ATRN: variants seen among roughly 807,000 people sequenced by gnomAD.
ATRN encodes attractin-2.
In ATRN, 54 loss-of-function variants were observed where a neutral mutation model predicts 178.7. The ratio of observed to expected loss-of-function variants is 0.30; its 90% confidence interval spans 0.24 to 0.38. The LOEUF (loss-of-function observed/expected upper bound fraction) is 0.38, where lower values mean the gene tolerates loss of function less well. ATRN is among the 10% of genes least tolerant of loss of function. The pLI, the probability that ATRN is intolerant of heterozygous loss-of-function variation, is 1.00. For synonymous variants in ATRN, 636 were observed against 663.0 expected, an observed-to-expected ratio of 0.96 and a Z score of 0.63; for missense variants, 1,443 against 1,815.1, an observed-to-expected ratio of 0.79 and a Z score of 3.73.
At chr20:3,531,098 C>T (rs2085447741) in intron 1 of ATRN, among the ~76,000 whole-genome samples, 1 of 152,196 alleles carries the variant, frequency 6.6e-6, no homozygotes, top group Non-Finnish European at 1.5e-5. Context: ...ATCAATGATA[C>T]TGTAAAACTT....
At chr20:3,603,769 T>A (rs1205627193) in intron 23 of ATRN, among the ~76,000 whole-genome samples, 1 of 152,154 alleles carries the variant, frequency 6.6e-6, no homozygotes, top group African/African-American at 2.4e-5. Context: ...ATTACAGATG[T>A]GAGCCACCGC....
intron 7 of ATRN, 33 bp downstream of exon 7, chr20:3,559,516 A>G: frequency 6.4e-7 from 1 of 1,559,762 alleles, no homozygotes; most frequent in Admixed American, 1.7e-5. Flanking sequence ...TAAGCAAGAA[A>G]CTAAGTTTTC....
chr20:3,532,919 C>T (rs1027787600), intron 1 of ATRN, among the ~76,000 whole-genome samples: 6 of 152,188 alleles, frequency 3.9e-5, no homozygotes. Flanking sequence ...CCCACCACCA[C>T]GCCCAGCTAA....
In ATRN at chr20:3,584,576, T is replaced by TA. The variant is rs1179487489; in HGVS notation, c.2951-62dup. 4.9e-4 allele frequency: 545 copies of TA among 1,108,590 alleles called. 1 individual carries two copies. Among genetic ancestry groups the TA allele is most frequent in the East Asian group, 2.0e-3 (79 of 40,512 alleles). The allele number at this position is 1,108,590 out of a possible 1,614,324, so 68.7% of individuals were successfully genotyped here. ...GACTCAAGCCAGTTGAATAGTCTGT[T>TA]AAAAAAAAAGTAAATACAGTGAATT... On this transcript the variant is annotated intron_variant, in intron 17 of 28. Coordinates refer to ENST00000262919, the MANE Select transcript of ATRN (RefSeq NM_139321.3).
rs938760291 is a variant in ATRN at position 3,535,662 on chromosome 20, G to A, written c.494+326G>A. ...ATTTATTTTTATGGGACAGAGTTTT[G>A]CTCTTGTCACCCAGGCTGGAGTGCA... On this transcript the variant is annotated intron_variant, in intron 2 of 28. Transcript: ENST00000262919. Among the ~76,000 whole-genome samples the A allele has an allele frequency of 2.0e-5, 3 of 149,218 alleles. No homozygotes were observed. In the Admixed American group the frequency reaches 2.0e-4, roughly 10 times the overall value.
chr20:3,644,037 T>C (rs1399052801), intron 27 of ATRN, 117 bp from the exon 28 acceptor site: 6 of 729,028 alleles, frequency 8.2e-6, no homozygotes, highest in Non-Finnish European at 1.2e-5. Flanking sequence ...AAAACTGCAA[T>C]GTACCTTTTT....
intron 10 of ATRN, 41 bp from the exon 11 acceptor site, chr20:3,565,306 GA>G: frequency 6.7e-7 from 1 of 1,499,660 alleles, no homozygotes; most frequent in East Asian, 2.3e-5. Flanking sequence ...CTGTTGATTA[GA>G]AATGGTAGTC....
At chr20:3,590,605 G>A (rs2086427813) in intron 18 of ATRN, among the ~76,000 whole-genome samples, 1 of 152,178 alleles carries the variant, frequency 6.6e-6, no homozygotes, top group African/African-American at 2.4e-5. Context: ...AATGAAAAAT[G>A]TAAAGCAAAC....
intron 1 of ATRN, among the ~76,000 whole-genome samples, chr20:3,491,527 TCTGGGTACTTG>T (rs1400012736): frequency 6.6e-6 from 1 of 152,212 alleles, no homozygotes; most frequent in Non-Finnish European, 1.5e-5. Flanking sequence ...TTAGAGTTCT[TCTGGGTACTTG>T]CTGTGCATCT....
Position 3,547,402 on chromosome 20 carries a change from C to T in ATRN, c.856C>T (p.His286Tyr), listed in dbSNP as rs766426779. ...GAAAGGTGAAGCATGTGACATTCCT[C>T]ACTGTACAGACAACTGTGGTTTTCC... ...NWKGEACDIP[H>Y]CTDNCGFPHR... The change falls in exon 5 of 29, where the codon CAC becomes TAC. Residue 286 changes from histidine to tyrosine, a missense_variant. Transcript: ENST00000262919. 3 of 1,613,866 alleles carry T rather than the reference C, an allele frequency of 1.9e-6. No individual in the cohort carries two copies. The highest frequency in any genetic ancestry group is 2.7e-5 in the African/African-American group (2 of 74,924).
At chr20:3,628,127 G>A (rs138694013) in intron 25 of ATRN, among the ~76,000 whole-genome samples, 98 of 152,244 alleles carry the variant, frequency 6.4e-4, no homozygotes, top group African/African-American at 2.2e-3. Context: ...AGCCGAGATC[G>A]CGCCACTGCA....
chr20:3,619,900 C>T (rs2086883627), intron 24 of ATRN, among the ~76,000 whole-genome samples: 1 of 152,160 alleles, frequency 6.6e-6, no homozygotes, highest in South Asian at 2.1e-4. Flanking sequence ...CAGGCTTGGA[C>T]ATAGAATGAC....
chr20:3,550,358 G>GCTGTTA (rs934394391), intron 6 of ATRN, among the ~76,000 whole-genome samples: 18 of 152,140 alleles, frequency 1.2e-4, no homozygotes, highest in African/African-American at 3.4e-4. Context: ...CTAGTGCCAT[G>GCTGTTA]CTGTTACTGT....
chr20:3,523,019 C>G (rs1268779381), intron 1 of ATRN, among the ~76,000 whole-genome samples: 1 of 152,054 alleles, frequency 6.6e-6, no homozygotes, highest in Non-Finnish European at 1.5e-5. Flanking sequence ...TCCAGAGGAT[C>G]ACAACTCCTC....
chr20:3,554,977 T>C (rs924518820), intron 6 of ATRN, among the ~76,000 whole-genome samples: 2 of 141,656 alleles, frequency 1.4e-5, no homozygotes, highest in Non-Finnish European at 3.0e-5. Flanking sequence ...GAACACCAAG[T>C]GTGACCTGAC....
chr20:3,629,308 G>C, intron 25 of ATRN: 1 of 985,052 alleles, frequency 1.0e-6, no homozygotes, highest in Non-Finnish European at 1.2e-6. Flanking sequence ...ACTGGCGTCC[G>C]CTTTTCCATA....
chr20:3,626,860 G>GCAAGCAACCGCCGCCTCCCGGGTT (rs2146317179), intron 25 of ATRN, among the ~76,000 whole-genome samples: 1 of 140,048 alleles, frequency 7.1e-6, no homozygotes, highest in African/African-American at 2.8e-5. Context: ...TTGGCTCACT[G>GCAAGCAACCGCCGCCTCCCGGGTT]CAAGCAACCG....
At chr20:3,553,117 C>A (rs980936411) in intron 6 of ATRN, among the ~76,000 whole-genome samples, 1 of 152,222 alleles carries the variant, frequency 6.6e-6, no homozygotes, top group South Asian at 2.1e-4. Flanking sequence ...TTAGCTCTAC[C>A]TTTAGAATCT....
At position 3,591,213 on chromosome 20, in the gene ATRN, T is replaced by A; in HGVS notation, c.3229T>A (p.Cys1077Ser). 6.2e-7 allele frequency: 1 copy of A among 1,614,222 alleles called. No homozygotes were observed. The highest frequency in any genetic ancestry group is 8.5e-7 in the Non-Finnish European group (1 of 1,180,026). The part of the protein sequence containing the change: ...GHSKCINQSI[C>S]EKCENLTTGK... ...CAGTAAATGCATCAATCAGAGCATC[T>A]GTGAGAAGTGTGAGAACCTGACCAC... The change falls in exon 19 of 29, where the codon TGT becomes AGT. Residue 1077 changes from cysteine to serine, a missense_variant. Physicochemically the swap from Cys to Ser is moderately radical, Grantham distance 112. Transcript: ENST00000262919.
Sources: gnomAD v4.1 joint callset for allele counts (sites outside exome capture counted in the v4.1 genomes callset) on GRCh38, gnomAD v4.1.1 for gene constraint, MANE v1.5 for transcripts, NCBI Gene and HGNC (gene_info 2026-07-23, HGNC 2026-07-21) for gene names.